The following NELL1 variants were observed in gnomAD, a reference collection of about 807,000 sequenced individuals.
The protein encoded by NELL1 is protein kinase C-binding protein NELL1.
A neutral mutation model predicts 107.4 loss-of-function variants in NELL1; 76 were observed. The observed-to-expected ratio is 0.71, with a 90% CI of 0.59 to 0.86. NELL1 has a LOEUF of 0.86. Among genes scored for constraint, NELL1 ranks in the 40% least tolerant of loss-of-function variants. The pLI is 0.00. For missense variants in NELL1, 1,024 were observed against 1,005.5 expected (o/e 1.02, Z -0.25); for synonymous variants, 353 against 341.2 (o/e 1.03, Z -0.38).
At chr11:21,080,281 G>A (rs992853047) in intron 12 of NELL1, among the ~76,000 whole-genome samples, 2 of 151,906 alleles carry the variant, frequency 1.3e-5, no homozygotes, top group African/African-American at 4.8e-5. Context: ...TGTTAATATA[G>A]CTACCTCTTG....
In NELL1 at chr11:20,818,949, C is replaced by T. The variant is rs964271210; in HGVS notation, c.336-28634C>T. 8.5e-5 allele frequency among the ~76,000 whole-genome samples: 13 copies of T among 152,142 alleles called. No individual in the cohort carries two copies. In the East Asian group the frequency reaches 1.3e-3, roughly 16 times the overall value. ...CAAAACAGTAAGGTATTATTACCCT[C>T]GCATCACAGATGAGGAAACTGAAGC... On this transcript the variant is annotated intron_variant, in intron 3 of 19. Coordinates refer to ENST00000357134, the MANE Select transcript of NELL1 (RefSeq NM_006157.5).
intron 2 of NELL1, among the ~76,000 whole-genome samples, chr11:20,695,246 T>C (rs1036685256): frequency 1.3e-5 from 2 of 152,036 alleles, no homozygotes; most frequent in African/African-American, 4.8e-5. Flanking sequence ...TGAAGAGGGA[T>C]ATTTGGACTT....
intron 2 of NELL1, among the ~76,000 whole-genome samples, chr11:20,762,109 G>A (rs908485000): frequency 2.0e-5 from 3 of 152,188 alleles, no homozygotes; most frequent in African/African-American, 7.2e-5. Context: ...ATTGTTTGAT[G>A]TGTTGTTTCA....
At chr11:20,882,281 G>A (rs1849424175) in intron 4 of NELL1, among the ~76,000 whole-genome samples, 1 of 152,092 alleles carries the variant, frequency 6.6e-6, no homozygotes, top group Non-Finnish European at 1.5e-5. Flanking sequence ...CTTTTTTCTT[G>A]CCTCACCATT....
At chr11:21,090,591 C>T (rs917749467) in intron 12 of NELL1, among the ~76,000 whole-genome samples, 1 of 152,126 alleles carries the variant, frequency 6.6e-6, no homozygotes, top group African/African-American at 2.4e-5. Flanking sequence ...TTGAGCAAGA[C>T]AAATTAGGAG....
chr11:20,827,014 A>G (rs1857899305), intron 3 of NELL1, among the ~76,000 whole-genome samples: 1 of 151,354 alleles, frequency 6.6e-6, no homozygotes, highest in Non-Finnish European at 1.5e-5. Flanking sequence ...TAGTTTAACT[A>G]TAATACCTTT....
rs7113332 is a variant in NELL1 at position 20,851,261 on chromosome 11, C to T, written c.506+3508C>T. Reference sequence around the variant, plus strand: ...TTTCAGACCTAATTGTACAAATTGTCACAAGAAAAGCAAACGCTATTTTAG... The same window carrying T: ...TTTCAGACCTAATTGTACAAATTGTTACAAGAAAAGCAAACGCTATTTTAG... On this transcript the variant is annotated intron_variant, in intron 4 of 19. Transcript: ENST00000357134. Among the ~76,000 whole-genome samples the T allele has an allele frequency of 5.1e-3, 781 of 152,258 alleles. 6 individuals carry two copies. Among genetic ancestry groups the T allele is most frequent in the African/African-American group, 0.018 (745 of 41,532 alleles).
intron 16 of NELL1, among the ~76,000 whole-genome samples, chr11:21,553,008 T>C (rs1856627503): frequency 6.6e-6 from 1 of 151,906 alleles, no homozygotes; most frequent in East Asian, 1.9e-4. Flanking sequence ...TGACCCTCCT[T>C]TGTTTACATT....
intron 9 of NELL1, among the ~76,000 whole-genome samples, chr11:20,928,684 T>A (rs1176312499): frequency 3.3e-5 from 5 of 152,166 alleles, no homozygotes; most frequent in South Asian, 4.2e-4. Context: ...TTTTTTTTTT[T>A]AAATCCTCAC....
In NELL1 at chr11:21,086,828, C is replaced by CTTT. The variant is rs35537964; in HGVS notation, c.1301-26742_1301-26740dup. On this transcript the variant is annotated intron_variant, in intron 12 of 19. Coordinates refer to ENST00000357134, the MANE Select transcript of NELL1 (RefSeq NM_006157.5). ...AGTAGACTGTTGAGTCTTAATGGAT[C>CTTT]TTTTTTTTTTTTTTTTTTTTTGAGA... Among the ~76,000 whole-genome samples, 157 of 112,922 alleles carry CTTT rather than the reference C, an allele frequency of 1.4e-3. 4 individuals carry two copies. The highest frequency in any genetic ancestry group is 0.011 in the South Asian group (33 of 2,922). The allele number at this position is 112,922 out of a possible 152,430, so 74.1% of individuals were successfully genotyped here.
chr11:20,779,998 G>GT (rs1856822525), intron 2 of NELL1, among the ~76,000 whole-genome samples: 1 of 152,096 alleles, frequency 6.6e-6, no homozygotes, highest in Non-Finnish European at 1.5e-5. Context: ...CTTTGTTGGT[G>GT]TTTTTTTAAC....
At chr11:20,697,193 C>A (rs1854641976) in intron 2 of NELL1, among the ~76,000 whole-genome samples, 1 of 152,114 alleles carries the variant, frequency 6.6e-6, no homozygotes, top group South Asian at 2.1e-4. Flanking sequence ...ATTCTAAACA[C>A]CAGCATTAGA....
At chr11:20,976,915 T>C (rs937903242) in intron 12 of NELL1, among the ~76,000 whole-genome samples, 1 of 152,142 alleles carries the variant, frequency 6.6e-6, no homozygotes, top group African/African-American at 2.4e-5. Flanking sequence ...ACAAAACCTG[T>C]TGTTTCTCTT....
At chr11:20,689,717 G>A (rs1590206729) in intron 2 of NELL1, among the ~76,000 whole-genome samples, 1 of 150,516 alleles carries the variant, frequency 6.6e-6, no homozygotes, top group African/African-American at 2.5e-5. Context: ...CCAAGTCTTT[G>A]CTATTGTGAA....
At chr11:20,675,188 A>T (rs948216898) in intron 1 of NELL1, among the ~76,000 whole-genome samples, 2 of 152,194 alleles carry the variant, frequency 1.3e-5, no homozygotes, top group African/African-American at 4.8e-5. Flanking sequence ...TAATGTTACT[A>T]ACATCCCAAT....
At chr11:21,560,433 C>T in intron 17 of NELL1, 51 bp downstream of exon 17, 1 of 1,478,398 alleles carries the variant, frequency 6.8e-7, no homozygotes, top group Admixed American at 2.4e-5. Context: ...TCTCTTCTTC[C>T]CTCACTTTTC....
intron 15 of NELL1, among the ~76,000 whole-genome samples, chr11:21,468,453 G>A (rs1328900268): frequency 6.6e-6 from 1 of 151,330 alleles, no homozygotes; most frequent in South Asian, 2.1e-4. Context: ...CCAATAAGTT[G>A]GCAATAAAAA....
chr11:20,691,075 T>C (rs1341348954), intron 2 of NELL1, among the ~76,000 whole-genome samples: 45 of 151,790 alleles, frequency 3.0e-4, no homozygotes, highest in African/African-American at 4.8e-4. Context: ...CATGATTTGG[T>C]TCTCTGTTTG....
At chr11:21,343,370 C>G (rs1850617974) in intron 14 of NELL1, among the ~76,000 whole-genome samples, 1 of 152,152 alleles carries the variant, frequency 6.6e-6, no homozygotes, top group South Asian at 2.1e-4. Context: ...TGCAGCCTCC[C>G]TCTCTTTCCT....
Sources: allele counts gnomAD v4.1 joint callset (sites outside exome capture counted in the v4.1 genomes callset), GRCh38; gene constraint gnomAD v4.1.1; transcripts MANE v1.5; gene names NCBI Gene and HGNC (gene_info 2026-07-23, HGNC 2026-07-21).